PPP1R12B: variants seen among roughly 807,000 people sequenced by gnomAD.
PPP1R12B encodes protein phosphatase 1 regulatory subunit 12B, also known as myosin phosphatase target subunit 2.
PPP1R12B carries 76 observed loss-of-function variants against 126.1 expected under a neutral mutation model. The observed-to-expected ratio is 0.60, with a 90% CI of 0.50 to 0.73. The LOEUF (loss-of-function observed/expected upper bound fraction) is 0.73. Among genes scored for constraint, PPP1R12B ranks in the 30% least tolerant of loss-of-function variants. The pLI is 0.00. For missense variants in PPP1R12B, 1,052 were observed against 1,205.1 expected (o/e 0.87, Z 1.88); for synonymous variants, 356 against 434.7 (o/e 0.82, Z 2.25).
At chr1:202,469,324 T>C (rs1004097335) in intron 13 of PPP1R12B, among the ~76,000 whole-genome samples, 2 of 152,220 alleles carry the variant, frequency 1.3e-5, no homozygotes. Context: ...TTGGTTTACA[T>C]ATTACTTTCT....
At chr1:202,487,260 C>T (rs918968761) in intron 13 of PPP1R12B, among the ~76,000 whole-genome samples, 6 of 152,168 alleles carry the variant, frequency 3.9e-5, no homozygotes, top group African/African-American at 1.4e-4. Flanking sequence ...AAAACAACAA[C>T]GAGAAACTCT....
chr1:202,575,151 C>T, intron 23 of PPP1R12B: 6 of 1,608,680 alleles, frequency 3.7e-6, no homozygotes, highest in Non-Finnish European at 5.1e-6. Flanking sequence ...TGCCCCTACT[C>T]TCCAACTCAC....
chr1:202,570,550 A>G (rs890547226), intron 23 of PPP1R12B, among the ~76,000 whole-genome samples: 7 of 152,234 alleles, frequency 4.6e-5, no homozygotes, highest in East Asian at 3.8e-4. Context: ...TAGAAATAAT[A>G]AATAATTGAT....
At chr1:202,470,898 C>G (rs947822986) in intron 13 of PPP1R12B, among the ~76,000 whole-genome samples, 1 of 135,556 alleles carries the variant, frequency 7.4e-6, no homozygotes, top group African/African-American at 2.6e-5. Flanking sequence ...AGAGCAAGAC[C>G]TCATCTCAAA....
chr1:202,524,941 G>T (rs1290225894), intron 18 of PPP1R12B, among the ~76,000 whole-genome samples: 3 of 152,072 alleles, frequency 2.0e-5, no homozygotes, highest in African/African-American at 7.2e-5. Flanking sequence ...GCGGTGACGC[G>T]ATCTTGGCTC....
chr1:202,586,540 G>A lies in PPP1R12B; in HGVS notation c.*5980G>A, dbSNP rs1689822734. On this transcript the variant is annotated 3_prime_UTR_variant, in exon 24 of 24. Transcript: ENST00000608999. ...GTAGACCCTGTCAGGGACAGCTATT[G>A]ATCTTTTGTGTTCTGATTAGATTGG... 6.6e-6 allele frequency: 1 copy of A among 152,230 alleles called. No homozygotes were observed. Among genetic ancestry groups the A allele is most frequent in the Non-Finnish European group, 1.5e-5 (1 of 68,046 alleles). 9.4% of individuals were successfully genotyped at this position (152,230 alleles called of 1,614,324 possible).
In PPP1R12B at chr1:202,495,555, T is replaced by C. The variant is rs1220716723; in HGVS notation, c.2336-15T>C. 2.5e-6 allele frequency: 4 copies of C among 1,612,892 alleles called. No individual in the cohort carries two copies. Among genetic ancestry groups the C allele is most frequent in the Non-Finnish European group, 3.4e-6 (4 of 1,179,064 alleles). On this transcript the variant is annotated splice_polypyrimidine_tract_variant and intron_variant, in intron 16 of 23. Transcript: ENST00000608999. ...CAGATTCTTAAAGTTCATACTTTAT[T>C]TTATCTCTGGCCAGAGAATGAAGAA...
intron 17 of PPP1R12B, among the ~76,000 whole-genome samples, chr1:202,496,339 A>G (rs1679548546): frequency 6.6e-6 from 1 of 152,212 alleles, no homozygotes; most frequent in African/African-American, 2.4e-5. Context: ...CAAGTGGCCA[A>G]TAACTTGGAC....
At chr1:202,564,892 T>A (rs1558381486) in intron 21 of PPP1R12B, among the ~76,000 whole-genome samples, 2 of 151,958 alleles carry the variant, frequency 1.3e-5, no homozygotes, top group East Asian at 3.8e-4. Context: ...TCAGTTCAGT[T>A]TATCTACACT....
intron 1 of PPP1R12B, among the ~76,000 whole-genome samples, chr1:202,415,443 G>C (rs1186149278): frequency 1.3e-5 from 2 of 152,120 alleles, no homozygotes; most frequent in Non-Finnish European, 2.9e-5. Context: ...TGAAGTTTTA[G>C]CCTTGTTTTT....
chr1:202,460,554 A>G (rs539559679), intron 13 of PPP1R12B, among the ~76,000 whole-genome samples: 1 of 148,970 alleles, frequency 6.7e-6, no homozygotes, highest in African/African-American at 2.4e-5. Context: ...AGGTTCCACA[A>G]ACGACTCCAA....
intron 1 of PPP1R12B, among the ~76,000 whole-genome samples, chr1:202,361,421 G>C (rs1292513067): frequency 6.6e-6 from 1 of 152,224 alleles, no homozygotes; most frequent in African/African-American, 2.4e-5. Context: ...AGGAGAAAGA[G>C]AGAGAGGTGG....
chr1:202,439,765 G>T, intron 10 of PPP1R12B: 1 of 510,930 alleles, frequency 2.0e-6, no homozygotes, highest in Non-Finnish European at 3.6e-6. Context: ...GAGTGAGGGG[G>T]ACCTCATTCC....
intron 1 of PPP1R12B, among the ~76,000 whole-genome samples, chr1:202,350,527 G>A (rs1457483770): frequency 6.6e-6 from 1 of 152,148 alleles, no homozygotes; most frequent in East Asian, 1.9e-4. Flanking sequence ...GGAGCTGAAT[G>A]TAAAATGAGA....
At chr1:202,518,038 A>G (rs1682359102) in intron 18 of PPP1R12B, among the ~76,000 whole-genome samples, 1 of 152,222 alleles carries the variant, frequency 6.6e-6, no homozygotes, top group Non-Finnish European at 1.5e-5. Context: ...TTGGGAATGC[A>G]AATTAGTCAT....
chr1:202,430,589 T>G, intron 6 of PPP1R12B, 142 bp from the exon 7 acceptor site: 1 of 733,982 alleles, frequency 1.4e-6, no homozygotes, highest in Non-Finnish European at 2.1e-6. Context: ...GATATGTTTC[T>G]CTTTTTCTCG....
intron 14 of PPP1R12B, among the ~76,000 whole-genome samples, chr1:202,489,150 A>G (rs1286707863): frequency 2.6e-5 from 4 of 152,236 alleles, no homozygotes; most frequent in Non-Finnish European, 4.4e-5. Flanking sequence ...AAATGAATTT[A>G]CAGCTACATC....
chr1:202,494,111 T>C (rs1175631770), intron 15 of PPP1R12B, among the ~76,000 whole-genome samples: 1 of 152,244 alleles, frequency 6.6e-6, no homozygotes, highest in Non-Finnish European at 1.5e-5. Flanking sequence ...ATAAATGTTA[T>C]GGTCACTGTG....
chr1:202,493,284 C>T lies in PPP1R12B; in HGVS notation c.2112C>T (p.Gly704=), dbSNP rs759418088. ...SAVPATEAGE[G]QQPWGRSLDE... Reference sequence around the variant, plus strand: ...TTCCAGCAACAGAAGCTGGGGAGGGCCAGCAGCCCTGGGGCAGGAGTCTGG... The same window carrying T: ...TTCCAGCAACAGAAGCTGGGGAGGGTCAGCAGCCCTGGGGCAGGAGTCTGG... Residue 704 remains glycine, a synonymous_variant, in exon 15 of 24, where the codon GGC becomes GGT. Coordinates refer to ENST00000608999, the MANE Select transcript of PPP1R12B (RefSeq NM_002481.4). The T allele has an allele frequency of 8.7e-6, 14 of 1,612,424 alleles. No homozygotes were observed. In the South Asian group the frequency reaches 1.5e-4, roughly 18 times the overall value.
Sources: allele counts gnomAD v4.1 joint callset (sites outside exome capture counted in the v4.1 genomes callset), GRCh38; gene constraint gnomAD v4.1.1; transcripts MANE v1.5; gene names NCBI Gene and HGNC (gene_info 2026-07-23, HGNC 2026-07-21).